CD163L1: variants seen among roughly 807,000 people sequenced by gnomAD.
CD163L1 encodes the protein CD163 molecule like 1.
In CD163L1, 124 loss-of-function variants were observed where a neutral mutation model predicts 165.4. That is an observed-to-expected ratio of 0.75 (90% CI 0.65 to 0.87). CD163L1 has a LOEUF of 0.87. Ranked by LOEUF, CD163L1 falls within the 40% of genes least tolerant of loss-of-function variation. CD163L1 has a pLI of 0.00. For missense variants in CD163L1, 1,525 were observed against 1,799.9 expected (o/e 0.85, Z 2.76); for synonymous variants, 585 against 662.2 (o/e 0.88, Z 1.79).
At position 7,373,341 on chromosome 12, in the gene CD163L1, C is replaced by T. The variant is rs918375123; in HGVS notation, c.3709G>A (p.Glu1237Lys). 5.0e-6 allele frequency: 8 copies of T among 1,612,740 alleles called. No homozygotes were observed. The highest frequency in any genetic ancestry group is 1.3e-5 in the African/African-American group (1 of 74,892). ...CCACCTTCACATGTGATCCAGGTCTCTTCTGCTGGGCTGGAGATTCTTCGC... is the reference window on the plus strand; with the variant it reads ...CCACCTTCACATGTGATCCAGGTCTTTTCTGCTGGGCTGGAGATTCTTCGC... ...WERRISSPAE[E>K]TWITCEDRIR... Residue 1237 changes from glutamate to lysine, a missense_variant, in exon 14 of 20, where the codon GAG (glutamate) becomes AAG (lysine). Glu to Lys is a moderately conservative substitution (Grantham distance 56). Transcript: ENST00000313599.
chr12:7,394,104 A>C (rs974549513), intron 8 of CD163L1, among the ~76,000 whole-genome samples: 8 of 146,480 alleles, frequency 5.5e-5, no homozygotes, highest in Admixed American at 3.3e-4. Context: ...AAAAAACAAA[A>C]ACAAAAAAAC....
intron 4 of CD163L1, among the ~76,000 whole-genome samples, chr12:7,430,471 C>G (rs1424515062): frequency 2.0e-5 from 3 of 152,144 alleles, no homozygotes; most frequent in Non-Finnish European, 4.4e-5. Flanking sequence ...TATGCCTCTT[C>G]CACCTCTCCG....
intron 4 of CD163L1, among the ~76,000 whole-genome samples, chr12:7,421,740 T>A (rs1046355540): frequency 3.6e-4 from 8 of 22,082 alleles, no homozygotes; most frequent in Non-Finnish European, 5.7e-4. Context: ...TATATATGTG[T>A]GTGTGTATAT....
intron 9 of CD163L1, among the ~76,000 whole-genome samples, chr12:7,377,012 G>A (rs1040626619): frequency 6.6e-6 from 1 of 152,052 alleles, no homozygotes; most frequent in African/African-American, 2.4e-5. Flanking sequence ...AAACTCCTAC[G>A]AAGACCTGCT....
intron 4 of CD163L1, among the ~76,000 whole-genome samples, chr12:7,431,807 G>A (rs371518226): frequency 6.6e-6 from 1 of 152,238 alleles, no homozygotes; most frequent in East Asian, 1.9e-4. Flanking sequence ...GGGTAATAAT[G>A]CTATTTACTG....
the CD163L1 span, chr12:7,328,605 G>T: frequency 7.1e-6 from 2 of 279,908 alleles, no homozygotes; most frequent in African/African-American, 2.3e-5. Context: ...TAATGATGAT[G>T]ATTTGTAGTG....
intron 9 of CD163L1, 22 bp from the exon 10 acceptor site, chr12:7,376,036 GT>G: frequency 1.3e-6 from 2 of 1,596,722 alleles, no homozygotes; most frequent in Non-Finnish European, 8.5e-7. Context: ...TATTTCAAAG[GT>G]TAGTTTTTAG....
chr12:7,393,975 C>A (rs146567991), intron 8 of CD163L1, among the ~76,000 whole-genome samples: 1 of 151,970 alleles, frequency 6.6e-6, no homozygotes, highest in Admixed American at 6.6e-5. Context: ...GAATCAATAT[C>A]GTGAAAATGG....
intron 19 of CD163L1, among the ~76,000 whole-genome samples, chr12:7,357,169 A>G (rs777206952): frequency 5.3e-5 from 8 of 152,178 alleles, no homozygotes; most frequent in Non-Finnish European, 1.2e-4. Flanking sequence ...CTCAAAACCA[A>G]TTCTGATAAA....
In CD163L1 at chr12:7,421,488, TATAC is replaced by T. The variant is rs1404450647; in HGVS notation, c.766+10924_766+10927del. ...ACATATATATACATATATGTACATA[TATAC>T]ATATATGTACATATACATATACATA... is the stretch of plus-strand genomic sequence containing the variant. On this transcript the variant is annotated intron_variant, in intron 4 of 19. Coordinates refer to ENST00000313599, the MANE Select transcript of CD163L1 (RefSeq NM_174941.6). Among the ~76,000 whole-genome samples the T allele has an allele frequency of 1.4e-4, 16 of 116,384 alleles. 2 individuals are homozygous for T. Among genetic ancestry groups the T allele is most frequent in the African/African-American group, 4.9e-4 (12 of 24,712 alleles). 76.4% of individuals were successfully genotyped at this position (116,384 alleles called of 152,430 possible).
At chr12:7,322,162 T>G in the CD163L1 span, among the ~76,000 whole-genome samples, 1 of 152,186 alleles carries the variant, frequency 6.6e-6, no homozygotes, top group South Asian at 2.1e-4. Context: ...CCTTTTTACA[T>G]CTTTAATAGC....
chr12:7,373,686 T>C, intron 13 of CD163L1, 46 bp from the exon 14 acceptor site: 2 of 1,488,690 alleles, frequency 1.3e-6, no homozygotes, highest in Non-Finnish European at 1.8e-6. Context: ...CCTTTGGAGT[T>C]GGAAAATCCC....
At chr12:7,384,353 A>G (rs752726046) in intron 8 of CD163L1, among the ~76,000 whole-genome samples, 220 of 152,266 alleles carry the variant, frequency 1.4e-3, no homozygotes, top group African/African-American at 5.1e-3. Flanking sequence ...AGAGATGGAC[A>G]ATGGCATAGA....
chr12:7,362,114 T>C (rs1946904788), intron 18 of CD163L1, among the ~76,000 whole-genome samples: 1 of 147,912 alleles, frequency 6.8e-6, no homozygotes. Context: ...TATTTATATA[T>C]ATAAGGTACA....
downstream of CD163L1, among the ~76,000 whole-genome samples, chr12:7,343,195 G>T (rs181636372): frequency 2.2e-4 from 34 of 152,328 alleles, no homozygotes; most frequent in African/African-American, 7.7e-4. Flanking sequence ...GTTTTGAGAT[G>T]AAAGGAACTC....
chr12:7,416,887 T>A (rs895034659), intron 4 of CD163L1, among the ~76,000 whole-genome samples: 7 of 152,132 alleles, frequency 4.6e-5, no homozygotes, highest in Non-Finnish European at 8.8e-5. Context: ...CTTAGGACTG[T>A]CTTGGCCAAA....
chr12:7,320,835 CA>C, the CD163L1 span: 75 of 1,527,508 alleles, frequency 4.9e-5, 1 homozygote, highest in Non-Finnish European at 6.3e-5. Flanking sequence ...ATTTGAACCA[CA>C]AACAATAGCT....
the CD163L1 span, among the ~76,000 whole-genome samples, chr12:7,321,799 A>C: frequency 6.6e-6 from 1 of 152,220 alleles, no homozygotes; most frequent in Non-Finnish European, 1.5e-5. Context: ...TGGACACTCA[A>C]GATAACCTTG....
chr12:7,396,487 T>A, intron 7 of CD163L1, 72 bp from the exon 8 acceptor site: 1 of 1,402,376 alleles, frequency 7.1e-7, no homozygotes, highest in South Asian at 1.4e-5. Context: ...TTGGCTGGAC[T>A]ATGATACCCA....
Sources: allele counts gnomAD v4.1 joint callset (sites outside exome capture counted in the v4.1 genomes callset), GRCh38; gene constraint gnomAD v4.1.1; transcripts MANE v1.5; gene names NCBI Gene and HGNC (gene_info 2026-07-23, HGNC 2026-07-21).